Variants in CFLAR observed in about 807,000 individuals in gnomAD.
CFLAR encodes the protein CASP8 and FADD-like apoptosis regulator.
In CFLAR, 14 loss-of-function variants were observed where a neutral mutation model predicts 51.1. That is an observed-to-expected ratio of 0.27 (90% CI 0.18 to 0.43). The LOEUF (loss-of-function observed/expected upper bound fraction) is 0.43. CFLAR is among the 20% of genes least tolerant of loss of function. The probability of loss-of-function intolerance (pLI) is 1.00; values close to 1 mark genes in which losing one functional copy is unlikely to be tolerated. For synonymous variants in CFLAR, 210 were observed against 211.6 expected (o/e 0.99, Z 0.06); for missense variants, 390 against 566.5 (o/e 0.69, Z 3.16).
At chr2:201,143,949 CAAAA>C (rs376723498) in intron 5 of CFLAR, among the ~76,000 whole-genome samples, 1 of 132,636 alleles carries the variant, frequency 7.5e-6, no homozygotes, top group African/African-American at 2.8e-5. Flanking sequence ...GACTCTGTCT[CAAAA>C]AAAAAAAAGA....
intron 1 of CFLAR, among the ~76,000 whole-genome samples, chr2:201,120,412 ATCT>A (rs775831984): frequency 4.6e-5 from 7 of 152,036 alleles, no homozygotes; most frequent in African/African-American, 1.2e-4. Flanking sequence ...ATAGATAAAC[ATCT>A]TCTACATTAT....
chr2:201,174,437 C>T lies in CFLAR; in HGVS notation c.*10464C>T, dbSNP rs1469355905. ...AACTATAAGGGTTTATTTCTGGACT[C>T]AATTCTGTTGCTCTATCTTATGGTA... On this transcript the variant is annotated 3_prime_UTR_variant, in exon 10 of 10. Transcript: ENST00000309955. The T allele has an allele frequency of 6.6e-6, 1 of 152,200 alleles. No homozygotes were observed. The highest frequency in any genetic ancestry group is 1.5e-5 in the Non-Finnish European group (1 of 68,042). The allele number at this position is 152,200 out of a possible 1,614,324, so 9.4% of individuals were successfully genotyped here. A position where few individuals can be genotyped will look rare whatever the true frequency, so the allele number is the denominator to read the frequency against.
intron 1 of CFLAR, among the ~76,000 whole-genome samples, chr2:201,127,577 T>C (rs547459447): frequency 2.6e-5 from 4 of 152,174 alleles, no homozygotes; most frequent in South Asian, 2.1e-4. Context: ...CCCAACAAAG[T>C]GGTGATTATT....
At chr2:201,163,648 A>C in intron 9 of CFLAR, 187 bp from the exon 10 acceptor site, 2 of 1,388,728 alleles carry the variant, frequency 1.4e-6, no homozygotes, top group South Asian at 3.3e-5. Flanking sequence ...CCCTTGAGGG[A>C]GGGGATGGTG....
chr2:201,136,931 G>C (rs1247585608), intron 4 of CFLAR: 1 of 198,140 alleles, frequency 5.0e-6, no homozygotes, highest in African/African-American at 2.3e-5. Flanking sequence ...TGGTGAGTCA[G>C]GAATGACAGG....
chr2:201,132,905 GA>G (rs1388770231), intron 2 of CFLAR, 123 bp from the exon 3 acceptor site: 1 of 874,472 alleles, frequency 1.1e-6, no homozygotes, highest in African/African-American at 1.7e-5. Context: ...ATGAGGGAGG[GA>G]CATATTTACA....
At chr2:201,130,658 C>T (rs2049213568) in intron 2 of CFLAR, among the ~76,000 whole-genome samples, 1 of 151,976 alleles carries the variant, frequency 6.6e-6, no homozygotes, top group Non-Finnish European at 1.5e-5. Context: ...GAGCCATTGC[C>T]TCCAGCTGAA....
At chr2:201,133,471 C>T (rs1411938393) in intron 3 of CFLAR, among the ~76,000 whole-genome samples, 1 of 152,022 alleles carries the variant, frequency 6.6e-6, no homozygotes, top group East Asian at 1.9e-4. Context: ...TGGGGGAAAA[C>T]AGGAAGGAGG....
In CFLAR at chr2:201,124,590, C is replaced by T. The variant is rs1433145789; in HGVS notation, c.-137-5139C>T. 6.6e-6 allele frequency among the ~76,000 whole-genome samples: 1 copy of T among 152,198 alleles called. No homozygotes were observed. The highest frequency in any genetic ancestry group is 1.9e-4 in the East Asian group (1 of 5,198). On this transcript the variant is annotated intron_variant, in intron 1 of 9. Transcript: ENST00000309955. The surrounding 1 kb of genome is among the most constrained non-coding windows in gnomAD (Gnocchi z 4.7). ...CCTCAAGTGATCCGCCCGCCTTGGC[C>T]TCCCAAAGTGCTGGGATTACAGGTG...
At chr2:201,133,565 T>G (rs1216629269) in intron 3 of CFLAR, among the ~76,000 whole-genome samples, 1 of 151,980 alleles carries the variant, frequency 6.6e-6, no homozygotes, top group Non-Finnish European at 1.5e-5. Context: ...CTAGGCTGCA[T>G]GTAGGAGTGG....
rs1481973437 is a variant in CFLAR, at chr2:201,168,322, T to TA, written c.*4350dup. On this transcript the variant is annotated 3_prime_UTR_variant, in exon 10 of 10. Coordinates refer to ENST00000309955, the MANE Select transcript of CFLAR (RefSeq NM_003879.7). ...CCTGGGATGCAAGGCTGGTTCAACA[T>TA]ACGCAAATCAAGAAACATAATTCAT... The TA allele has an allele frequency of 2.6e-5, 4 of 152,166 alleles. No homozygotes were observed. Among genetic ancestry groups the TA allele is most frequent in the African/African-American group, 9.7e-5 (4 of 41,446 alleles). The allele number at this position is 152,166 out of a possible 1,614,324, so 9.4% of individuals were successfully genotyped here.
In CFLAR at chr2:201,173,852, A is replaced by C. The variant is rs953847199; in HGVS notation, c.*9879A>C. The C allele has an allele frequency of 1.3e-5, 2 of 151,086 alleles. No individual in the cohort carries two copies. Among genetic ancestry groups the C allele is most frequent in the African/African-American group, 4.9e-5 (2 of 40,992 alleles). 9.4% of individuals were successfully genotyped at this position (151,086 alleles called of 1,614,324 possible). ...ACGCCTGGCTAATTTTTGTATTTTTAGTAGAGACAGGGTTTCGCCATGTTG... is the reference window on the plus strand; with the variant it reads ...ACGCCTGGCTAATTTTTGTATTTTTCGTAGAGACAGGGTTTCGCCATGTTG... On this transcript the variant is annotated 3_prime_UTR_variant, in exon 10 of 10. Transcript: ENST00000309955.
At chr2:201,157,293 A>C (rs1942334917) in intron 8 of CFLAR, among the ~76,000 whole-genome samples, 1 of 152,096 alleles carries the variant, frequency 6.6e-6, no homozygotes, top group Non-Finnish European at 1.5e-5. Flanking sequence ...GATGCGTGCC[A>C]CCATGCCCAG....
In CFLAR at chr2:201,163,918, A is replaced by G. The variant is rs1943300404; in HGVS notation, c.1388A>G (p.Tyr463Cys). The G allele has an allele frequency of 6.2e-7, 1 of 1,614,026 alleles. No individual in the cohort carries two copies. The highest frequency in any genetic ancestry group is 1.3e-5 in the African/African-American group (1 of 74,918). The change falls in exon 10 of 10, where the codon TAT becomes TGT. Residue 463 changes from tyrosine (Y) to cysteine (C), a missense_variant. This residue lies in a region of CFLAR where 287 missense variants were observed against 363.6 expected (regional missense o/e 0.79). Coordinates refer to ENST00000309955, the MANE Select transcript of CFLAR (RefSeq NM_003879.7). ...AGCAGAGTTTCTGCCAAGGAGAAAT[A>G]TTATGTCTGGCTGCAGCACACTCTG... ...WNSRVSAKEKYYVWLQHTLRK... is the reference protein window; with the variant it reads ...WNSRVSAKEKCYVWLQHTLRK...
In CFLAR at chr2:201,149,805, C is replaced by A; in HGVS notation, c.763C>A (p.Leu255Met). The A allele has an allele frequency of 6.2e-7, 1 of 1,613,804 alleles. No individual in the cohort carries two copies. The highest frequency in any genetic ancestry group is 8.5e-7 in the Non-Finnish European group (1 of 1,179,726). The part of the protein sequence containing the change: ...KMKSKPLGIC[L>M]IIDCIGNETE... Reference sequence around the variant, plus strand: ...GAAGAGCAAGCCCCTAGGAATCTGCCTGATAATCGATTGCATTGGCAATGA... The same window carrying A: ...GAAGAGCAAGCCCCTAGGAATCTGCATGATAATCGATTGCATTGGCAATGA... Residue 255 changes from leucine (L) to methionine (M), a missense_variant, in exon 8 of 10, where the codon CTG becomes ATG. Physicochemically the swap from Leu to Met is conservative, Grantham distance 15. Transcript: ENST00000309955.
chr2:201,160,008 C>T (rs566411347), intron 8 of CFLAR, among the ~76,000 whole-genome samples: 4 of 152,278 alleles, frequency 2.6e-5, no homozygotes, highest in African/African-American at 7.2e-5. Flanking sequence ...TCATGTGGGC[C>T]TCTCTGAGGG....
Position 201,160,422 on chromosome 2 carries a change from T to A in CFLAR, c.794-10T>A. Reference sequence around the variant, plus strand: ...TGTTGTTTTCCGTGTTTGTTTTTTGTTTTCCCCAGAGCTTCTTCGAGACAC... The same window carrying A: ...TGTTGTTTTCCGTGTTTGTTTTTTGATTTCCCCAGAGCTTCTTCGAGACAC... On this transcript the variant is annotated splice_polypyrimidine_tract_variant and intron_variant, in intron 8 of 9. Transcript: ENST00000309955. 6.2e-7 allele frequency: 1 copy of A among 1,607,498 alleles called. No individual in the cohort carries two copies. Among genetic ancestry groups the A allele is most frequent in the Non-Finnish European group, 8.5e-7 (1 of 1,177,400 alleles).
intron 3 of CFLAR, among the ~76,000 whole-genome samples, chr2:201,134,687 A>G (rs987519362): frequency 2.0e-5 from 3 of 151,294 alleles, no homozygotes; most frequent in Non-Finnish European, 4.4e-5. Flanking sequence ...AAAATAAAAA[A>G]ATATAAAATA....
chr2:201,140,131 T>TGGGGGC (rs1206472063), intron 4 of CFLAR: 6 of 236,352 alleles, frequency 2.5e-5, no homozygotes, highest in African/African-American at 1.8e-4. Flanking sequence ...CTGGGTGGGC[T>TGGGGGC]GGGGGCGGGG....
Sources: allele counts gnomAD v4.1 joint callset (sites outside exome capture counted in the v4.1 genomes callset), GRCh38; gene constraint gnomAD v4.1.1; regional missense constraint gnomAD v4.1.1; non-coding constraint Gnocchi (gnomAD v3.1); transcripts MANE v1.5; gene names NCBI Gene and HGNC (gene_info 2026-07-23, HGNC 2026-07-21).